Variants in TMEM87B observed in about 807,000 individuals in gnomAD.
The protein encoded by TMEM87B is transmembrane protein 87B.
TMEM87B carries 83 observed loss-of-function variants against 80.3 expected under a neutral mutation model. The ratio of observed to expected loss-of-function variants is 1.03; its 90% confidence interval spans 0.87 to 1.24. TMEM87B has a LOEUF of 1.24. Ranked by LOEUF, TMEM87B falls within the 50% of genes most tolerant of loss-of-function variation. TMEM87B has a pLI of 0.00. For synonymous variants in TMEM87B, 219 were observed against 230.5 expected, an observed-to-expected ratio of 0.95 and a Z score of 0.45; for missense variants, 625 against 674.4, an observed-to-expected ratio of 0.93 and a Z score of 0.81.
chr2:112,092,429 C>T (rs568007339), intron 11 of TMEM87B, among the ~76,000 whole-genome samples: 1 of 152,230 alleles, frequency 6.6e-6, no homozygotes, highest in East Asian at 1.9e-4. Context: ...GAGTGCCTTC[C>T]AGAGGCAGGG....
At chr2:112,074,142 C>T (rs928335446) in intron 4 of TMEM87B, among the ~76,000 whole-genome samples, 2 of 152,110 alleles carry the variant, frequency 1.3e-5, no homozygotes, top group African/African-American at 2.4e-5. Flanking sequence ...TACGCAGACT[C>T]ATCTGTGTGG....
intron 4 of TMEM87B, among the ~76,000 whole-genome samples, chr2:112,074,542 G>C (rs899662845): frequency 5.3e-5 from 8 of 152,018 alleles, no homozygotes; most frequent in Non-Finnish European, 8.8e-5. Flanking sequence ...ATGTGTCTTG[G>C]GGATGATCTT....
intron 16 of TMEM87B, among the ~76,000 whole-genome samples, chr2:112,106,843 C>T (rs184799415): frequency 6.4e-4 from 97 of 152,138 alleles, no homozygotes; most frequent in Middle Eastern, 3.4e-3. Flanking sequence ...GGCAGATTCT[C>T]TAATAGATTA....
At chr2:112,060,841 A>T (rs1442749586) in intron 2 of TMEM87B, among the ~76,000 whole-genome samples, 1 of 152,200 alleles carries the variant, frequency 6.6e-6, no homozygotes, top group East Asian at 1.9e-4. Flanking sequence ...ATGGCCCACA[A>T]GAATGGATTT....
At chr2:112,056,559 A>G (rs1296919561) in intron 1 of TMEM87B, among the ~76,000 whole-genome samples, 2 of 152,214 alleles carry the variant, frequency 1.3e-5, no homozygotes, top group Non-Finnish European at 2.9e-5. Flanking sequence ...AAGAGGCATT[A>G]TCTCCGGCTT....
chr2:112,085,007 G>A (rs771719929), intron 8 of TMEM87B, among the ~76,000 whole-genome samples: 1 of 152,208 alleles, frequency 6.6e-6, no homozygotes, highest in African/African-American at 2.4e-5. Flanking sequence ...TAGACAACAT[G>A]CAAACAAATG....
chr2:112,084,443 C>T (rs1679087535), intron 8 of TMEM87B, among the ~76,000 whole-genome samples: 1 of 152,212 alleles, frequency 6.6e-6, no homozygotes, highest in Admixed American at 6.5e-5. Context: ...AAAAAGGGAG[C>T]TCATCCTTTC....
intron 15 of TMEM87B, among the ~76,000 whole-genome samples, chr2:112,101,333 A>G (rs184538514): frequency 1.6e-4 from 24 of 152,318 alleles, no homozygotes; most frequent in Admixed American, 1.4e-3. Flanking sequence ...GAAAACAAAT[A>G]GAAAAAAATC....
At chr2:112,104,045 GA>G (rs549456249) in intron 15 of TMEM87B, among the ~76,000 whole-genome samples, 3 of 151,702 alleles carry the variant, frequency 2.0e-5, no homozygotes, top group East Asian at 1.9e-4. Flanking sequence ...AAATGTGTAG[GA>G]AAAAAAATCA....
Position 112,089,621 on chromosome 2 carries a change from C to A in TMEM87B, c.939-4C>A. 1.9e-6 allele frequency: 3 copies of A among 1,613,954 alleles called. No individual in the cohort carries two copies. Among genetic ancestry groups the A allele is most frequent in the Non-Finnish European group, 2.5e-6 (3 of 1,179,866 alleles). The stretch of plus-strand genomic sequence containing the variant: ...CTTTCTCTGTTTCCTCTTCCTGATT[C>A]CAGGCCTCGTTTAGGAACAGTCATG... On this transcript the variant is annotated splice_region_variant and splice_polypyrimidine_tract_variant and intron_variant, in intron 9 of 18. Transcript: ENST00000283206.
chr2:112,111,812 G>A (rs962365988), intron 17 of TMEM87B, among the ~76,000 whole-genome samples: 7 of 152,072 alleles, frequency 4.6e-5, no homozygotes, highest in South Asian at 2.1e-4. Context: ...CCTCATCTTC[G>A]ATAACCCATG....
chr2:112,083,273 A>G (rs1679054571), intron 8 of TMEM87B, among the ~76,000 whole-genome samples: 1 of 152,236 alleles, frequency 6.6e-6, no homozygotes, highest in Admixed American at 6.5e-5. Context: ...CTTGTGGACA[A>G]GATGAGCTGA....
At chr2:112,065,744 G>A (rs547353270) in intron 3 of TMEM87B, among the ~76,000 whole-genome samples, 1 of 151,530 alleles carries the variant, frequency 6.6e-6, no homozygotes, top group South Asian at 2.1e-4. Context: ...ACCCCATACC[G>A]GAACCAATTC....
intron 5 of TMEM87B, among the ~76,000 whole-genome samples, chr2:112,075,820 A>G (rs750078766): frequency 6.6e-5 from 10 of 152,230 alleles, no homozygotes; most frequent in African/African-American, 9.6e-5. Context: ...TGCAGTGGCC[A>G]GGACAAACTT....
chr2:112,071,833 A>T (rs1678649316), intron 4 of TMEM87B, among the ~76,000 whole-genome samples: 1 of 152,262 alleles, frequency 6.6e-6, no homozygotes, highest in Non-Finnish European at 1.5e-5. Context: ...AATAGGAGTG[A>T]TGAGAGAGGG....
intron 15 of TMEM87B, among the ~76,000 whole-genome samples, chr2:112,103,771 A>T (rs946993046): frequency 1.3e-5 from 2 of 152,192 alleles, no homozygotes; most frequent in South Asian, 2.1e-4. Context: ...TCAAAATCTA[A>T]CTGTACTTCA....
intron 4 of TMEM87B, among the ~76,000 whole-genome samples, chr2:112,070,691 G>A (rs1288987362): frequency 6.6e-6 from 1 of 152,114 alleles, no homozygotes; most frequent in South Asian, 2.1e-4. Flanking sequence ...TTTTAAAATA[G>A]TTTTTTCTAG....
Position 112,104,620 on chromosome 2 carries a change from A to G in TMEM87B, c.1451-1382A>G, listed in dbSNP as rs187283401. 3.9e-5 allele frequency among the ~76,000 whole-genome samples: 6 copies of G among 152,346 alleles called. No individual in the cohort carries two copies. The East Asian group carries it at 1.2e-3, about 29-fold the overall frequency. ...GCTGGCTCTCTCATACAGTACTTGA[A>G]GGAATGTAGAATAGCATGACCGCTT... On this transcript the variant is annotated intron_variant, in intron 15 of 18. Coordinates refer to ENST00000283206, the MANE Select transcript of TMEM87B (RefSeq NM_032824.3).
In TMEM87B at chr2:112,118,842, C is replaced by T. The variant is rs1680090210; in HGVS notation, c.*2699C>T. The T allele has an allele frequency of 6.6e-6, 1 of 151,896 alleles. No individual in the cohort carries two copies. Among genetic ancestry groups the T allele is most frequent in the Non-Finnish European group, 1.5e-5 (1 of 67,974 alleles). 9.4% of individuals were successfully genotyped at this position (151,896 alleles called of 1,614,324 possible). A position where few individuals can be genotyped will look rare whatever the true frequency, so the allele number is the denominator to read the frequency against. On this transcript the variant is annotated 3_prime_UTR_variant, in exon 19 of 19. Transcript: ENST00000283206. The stretch of plus-strand genomic sequence containing the variant: ...TTTAAAAAAAAGTTCGAGTCTGTTG[C>T]ACTAGGCTGTACATGACTAAAGTTG...
Sources: allele counts gnomAD v4.1 joint callset (sites outside exome capture counted in the v4.1 genomes callset), GRCh38; gene constraint gnomAD v4.1.1; transcripts MANE v1.5; gene names NCBI Gene and HGNC (gene_info 2026-07-23, HGNC 2026-07-21).